The following CHN1 variants were observed in gnomAD, a reference collection of about 807,000 sequenced individuals.
CHN1 encodes the protein chimerin 1, also known as N-chimaerin.
Under a neutral mutation model 59.5 loss-of-function variants are expected in CHN1, and 37 were observed. That is an observed-to-expected ratio of 0.62 (90% CI 0.48 to 0.82). The LOEUF (loss-of-function observed/expected upper bound fraction) is 0.82. Among genes scored for constraint, CHN1 ranks in the 40% least tolerant of loss-of-function variants. The pLI, the probability that CHN1 is intolerant of heterozygous loss-of-function variation, is 0.00. For synonymous variants in CHN1, 206 were observed against 200.4 expected (o/e 1.03, Z -0.24); for missense variants, 469 against 571.0 (o/e 0.82, Z 1.82).
intron 3 of CHN1, among the ~76,000 whole-genome samples, chr2:174,925,611 A>G (rs1046333362): frequency 8.5e-5 from 13 of 152,230 alleles, no homozygotes; most frequent in Non-Finnish European, 1.5e-4. Flanking sequence ...CTTCATCTAC[A>G]TAACAAGAAC....
At chr2:174,965,315 G>T (rs1690560638) in intron 1 of CHN1, among the ~76,000 whole-genome samples, 1 of 151,844 alleles carries the variant, frequency 6.6e-6, no homozygotes, top group African/African-American at 2.4e-5. Context: ...TATTCTTTTT[G>T]TATCATTATA....
chr2:174,908,186 T>C (rs1473588472), intron 5 of CHN1, among the ~76,000 whole-genome samples: 1 of 152,226 alleles, frequency 6.6e-6, no homozygotes, highest in Non-Finnish European at 1.5e-5. Context: ...GAAATGTCTC[T>C]GGAGTTGCCA....
intron 7 of CHN1, among the ~76,000 whole-genome samples, chr2:174,845,703 T>C (rs1043328838): frequency 7.1e-6 from 1 of 141,370 alleles, no homozygotes; most frequent in East Asian, 2.1e-4. Context: ...TTTTATTAGG[T>C]AATTTCTCCT....
intron 5 of CHN1, among the ~76,000 whole-genome samples, chr2:174,902,491 T>C (rs1688417745): frequency 6.6e-6 from 1 of 152,210 alleles, no homozygotes; most frequent in African/African-American, 2.4e-5. Flanking sequence ...TAAATGTTAC[T>C]GTCATCATGT....
At chr2:175,000,137 A>ATTTT (rs71031080) in intron 1 of CHN1, among the ~76,000 whole-genome samples, 1 of 111,982 alleles carries the variant, frequency 8.9e-6, no homozygotes, top group Non-Finnish European at 1.8e-5. Flanking sequence ...CACCTGGCTA[A>ATTTT]TTTTTTTTTT....
At chr2:174,904,082 G>A (rs1291008952) in intron 5 of CHN1, among the ~76,000 whole-genome samples, 2 of 151,810 alleles carry the variant, frequency 1.3e-5, no homozygotes, top group Non-Finnish European at 2.9e-5. Flanking sequence ...GACCAACATG[G>A]AGAAACCCCG....
intron 7 of CHN1, among the ~76,000 whole-genome samples, chr2:174,825,647 A>G (rs1685658738): frequency 6.6e-6 from 1 of 152,208 alleles, no homozygotes; most frequent in Non-Finnish European, 1.5e-5. Context: ...AAATAATAAA[A>G]ATTTCAATAT....
At position 174,800,224 on chromosome 2, in the gene CHN1, G is replaced by C; in HGVS notation, c.1272C>G (p.Pro424=). 1 of 1,506,820 alleles carries C rather than the reference G, an allele frequency of 6.6e-7. No homozygotes were observed. Among genetic ancestry groups the C allele is most frequent in the Non-Finnish European group, 8.8e-7 (1 of 1,131,316 alleles). 93.3% of individuals were successfully genotyped at this position (1,506,820 alleles called of 1,614,324 possible). ...CTAGTTCTGGAGATCTCATAAGGGT[G>C]GGTCCAAAGACGATTCCAAGGTTCT... ...NAENLGIVFG[P]TLMRSPELDA... Residue 424 remains proline, a synonymous_variant, in exon 13 of 13, where the codon CCC becomes CCG. Transcript: ENST00000409900.
At chr2:174,833,954 G>A (rs1383308214) in intron 7 of CHN1, among the ~76,000 whole-genome samples, 1 of 152,108 alleles carries the variant, frequency 6.6e-6, no homozygotes, top group Non-Finnish European at 1.5e-5. Context: ...ACCACACCCA[G>A]CTAATTTTGT....
chr2:174,940,784 A>G lies in CHN1; in HGVS notation c.114+4104T>C, dbSNP rs75531140. On this transcript the variant is annotated intron_variant, in intron 3 of 12. Transcript: ENST00000409900. Reference sequence around the variant, plus strand: ...CCACTTTAAAGGCATATTTTTCTCTATGCAATTAACAAATAATTGGTGGTG... The same window carrying G: ...CCACTTTAAAGGCATATTTTTCTCTGTGCAATTAACAAATAATTGGTGGTG... Among the ~76,000 whole-genome samples, 14 of 152,290 alleles carry G rather than the reference A, an allele frequency of 9.2e-5. No homozygotes were observed. In the East Asian group the frequency reaches 1.7e-3, roughly 19 times the overall value.
At chr2:174,937,680 G>C (rs925311900) in intron 3 of CHN1, among the ~76,000 whole-genome samples, 1 of 151,950 alleles carries the variant, frequency 6.6e-6, no homozygotes, top group Admixed American at 6.6e-5. Context: ...AGTCACAGGA[G>C]CGGATCCTTC....
chr2:174,934,542 CG>C (rs1441045060), intron 3 of CHN1, among the ~76,000 whole-genome samples: 1 of 152,104 alleles, frequency 6.6e-6, no homozygotes, highest in African/African-American at 2.4e-5. Context: ...GCACAGGGGC[CG>C]GGGACCCCTG....
chr2:174,845,137 C>A (rs1686462873), intron 7 of CHN1, among the ~76,000 whole-genome samples: 1 of 152,124 alleles, frequency 6.6e-6, no homozygotes. Flanking sequence ...TATGCAAATT[C>A]TTGAATAGAC....
rs749076068 is a variant in CHN1 at position 174,878,127 on chromosome 2, A to G, written c.262T>C (p.Phe88Leu). Residue 88 changes from phenylalanine to leucine, a missense_variant and splice_region_variant, in exon 6 of 13, where the codon TTT (phenylalanine) becomes CTT (leucine). By Grantham distance (22) the Phe-to-Leu change is conservative. Around this residue, in one of 5 missense-constraint regions of CHN1, gnomAD observed 152 missense variants for 166.1 expected, o/e 0.92. Coordinates refer to ENST00000409900, the MANE Select transcript of CHN1 (RefSeq NM_001822.7). ...CTGAAGTTTCTGGTTTGACTTCCAA[A>G]TCTGCCTCAATGAAATGGGAAAGAT... ...QPGTYTLALR[F>L]GSQTRNFRLY... 1.3e-6 allele frequency: 2 copies of G among 1,528,130 alleles called. No homozygotes were observed. The highest frequency in any genetic ancestry group is 1.8e-6 in the Non-Finnish European group (2 of 1,131,044). The allele number at this position is 1,528,130 out of a possible 1,614,324, so 94.7% of individuals were successfully genotyped here.
At chr2:174,822,297 A>G (rs1470959202) in intron 8 of CHN1, among the ~76,000 whole-genome samples, 1 of 152,202 alleles carries the variant, frequency 6.6e-6, no homozygotes, top group Non-Finnish European at 1.5e-5. Context: ...AATAAGAGGT[A>G]GAGGCTATTA....
Position 174,959,762 on chromosome 2 carries a change from A to G in CHN1, c.20-7560T>C, listed in dbSNP as rs2105423584. ...GGTAGGACAGATTCTGGCACAGCCT[A>G]AGGTGGATGCTGGAAGTGTCTCTGA... is the stretch of plus-strand genomic sequence containing the variant. On this transcript the variant is annotated intron_variant, in intron 1 of 12. Transcript: ENST00000409900. 2.0e-5 allele frequency among the ~76,000 whole-genome samples: 3 copies of G among 152,310 alleles called. No homozygotes were observed. In the South Asian group the frequency reaches 6.2e-4, roughly 32 times the overall value.
chr2:174,824,348 G>C, intron 8 of CHN1, 86 bp downstream of exon 8: 3 of 975,560 alleles, frequency 3.1e-6, no homozygotes, highest in Non-Finnish European at 4.5e-6. Flanking sequence ...CAGCCTACTG[G>C]ATATGCATAA....
chr2:175,002,461 T>C (rs186925562), intron 1 of CHN1, among the ~76,000 whole-genome samples: 11 of 152,274 alleles, frequency 7.2e-5, no homozygotes, highest in African/African-American at 2.6e-4. Flanking sequence ...ATAATATACT[T>C]AACAGGTGAA....
At position 174,882,944 on chromosome 2, in the gene CHN1, C is replaced by T. The variant is rs540453860; in HGVS notation, c.261-4816G>A. ...TTATATACAACATTAAAATGATATC[C>T]CATCCAAAACTTTGTCAGGCTATGA... On this transcript the variant is annotated intron_variant, in intron 5 of 12. Transcript: ENST00000409900. 5.3e-5 allele frequency among the ~76,000 whole-genome samples: 8 copies of T among 152,220 alleles called. No homozygotes were observed. In the South Asian group the frequency reaches 1.7e-3, roughly 32 times the overall value.
Sources: gnomAD v4.1 joint callset for allele counts (sites outside exome capture counted in the v4.1 genomes callset) on GRCh38, gnomAD v4.1.1 for gene constraint, gnomAD v4.1.1 regional missense constraint, MANE v1.5 for transcripts, NCBI Gene and HGNC (gene_info 2026-07-23, HGNC 2026-07-21) for gene names.